Variants in SMC2 observed in about 807,000 individuals in gnomAD.
SMC2 encodes the protein structural maintenance of chromosomes protein 2.
Under a neutral mutation model 142.6 loss-of-function variants are expected in SMC2, and 41 were observed. The observed-to-expected ratio is 0.29, with a 90% CI of 0.22 to 0.37. SMC2 has a LOEUF of 0.37. SMC2 is among the 10% of genes least tolerant of loss of function. SMC2 has a pLI of 1.00. For missense variants in SMC2, 1,265 were observed against 1,373.7 expected, an observed-to-expected ratio of 0.92 and a Z score of 1.25; for synonymous variants, 463 against 457.5, an observed-to-expected ratio of 1.01 and a Z score of -0.15.
At chr9:104,101,906 A>AT (rs201044092) in intron 7 of SMC2, 54 bp from the exon 8 acceptor site, 4,004 of 1,072,194 alleles carry the variant, frequency 3.7e-3, no homozygotes, top group Non-Finnish European at 4.4e-3. Context: ...GCATAATTGA[A>AT]TTTTTTTTTT....
At chr9:104,121,004 G>C (rs1833669849) in intron 16 of SMC2, among the ~76,000 whole-genome samples, 1 of 140,122 alleles carries the variant, frequency 7.1e-6, no homozygotes, top group Non-Finnish European at 1.5e-5. Flanking sequence ...GAGCTATCTA[G>C]GGCAAAGACA....
At chr9:104,101,803 C>T (rs1223157018) in intron 7 of SMC2, among the ~76,000 whole-genome samples, 157 bp from the exon 8 acceptor site, 2 of 152,170 alleles carry the variant, frequency 1.3e-5, no homozygotes, top group Non-Finnish European at 2.9e-5. Flanking sequence ...GTCCTGACTT[C>T]TGATGTTACG....
chr9:104,132,711 G>A (rs529977708), intron 22 of SMC2, among the ~76,000 whole-genome samples: 1 of 151,600 alleles, frequency 6.6e-6, no homozygotes, highest in East Asian at 1.9e-4. Flanking sequence ...TAGTCACCTT[G>A]TTTTTTTCTT....
upstream of SMC2, among the ~76,000 whole-genome samples, chr9:104,091,174 G>A (rs1032754809): frequency 2.6e-5 from 4 of 152,262 alleles, no homozygotes; most frequent in East Asian, 1.9e-4. Context: ...GACGAGATAC[G>A]TTCTGAGAAA....
chr9:104,108,948 A>C (rs1482849530), intron 9 of SMC2, among the ~76,000 whole-genome samples: 1 of 152,180 alleles, frequency 6.6e-6, no homozygotes, highest in African/African-American at 2.4e-5. Context: ...GAGCTAAAGC[A>C]TGAAAGGACA....
chr9:104,125,326 C>T (rs1037627402), intron 18 of SMC2, among the ~76,000 whole-genome samples: 8 of 152,076 alleles, frequency 5.3e-5, no homozygotes, highest in African/African-American at 1.7e-4. Context: ...GAGTGTTGAT[C>T]TGAGGCTCAA....
chr9:104,132,080 C>T lies in SMC2; in HGVS notation c.3063C>T (p.Asp1021=), dbSNP rs1835038490. The change falls in exon 22 of 25, where the codon GAC becomes GAT. Residue 1021 remains aspartate (D), a synonymous_variant. Coordinates refer to ENST00000374793, the MANE Select transcript of SMC2 (RefSeq NM_006444.3). The stretch of plus-strand genomic sequence containing the variant: ...CCAAAATTCTTACAACTATAGAAGA[C>T]CTTGACCAGAAGAAAAACCAAGCCC... ...DKSKILTTIE[D]LDQKKNQALN... The T allele has an allele frequency of 1.9e-6, 3 of 1,600,012 alleles. No individual in the cohort carries two copies. Among genetic ancestry groups the T allele is most frequent in the East Asian group, 2.2e-5 (1 of 44,558 alleles).
intron 16 of SMC2, among the ~76,000 whole-genome samples, chr9:104,122,604 A>G (rs1463663288): frequency 6.6e-6 from 1 of 152,116 alleles, no homozygotes; most frequent in Non-Finnish European, 1.5e-5. Flanking sequence ...CAGAACAGGG[A>G]TAGAATTACA....
Position 104,100,433 on chromosome 9 carries a change from G to T in SMC2, c.636G>T (p.Glu212Asp). 1.3e-6 allele frequency: 2 copies of T among 1,493,446 alleles called. No homozygotes were observed. The highest frequency in any genetic ancestry group is 1.2e-5 in the South Asian group (1 of 86,192). 92.5% of individuals were successfully genotyped at this position (1,493,446 alleles called of 1,614,324 possible). A position where few individuals can be genotyped will look rare whatever the true frequency, so the allele number is the denominator to read the frequency against. ...CTCCAACCATTCAAAAATTAAAAGA[G>T]GTATATTCTGTATATGTGAGGATAA... ...EITPTIQKLK[E>D]ERSSYLEYQK... Residue 212 changes from glutamate to aspartate, a missense_variant and splice_region_variant, in exon 7 of 25, where the codon GAG (glutamate) becomes GAT (aspartate). Physicochemically the swap from Glu to Asp is conservative, Grantham distance 45. Coordinates refer to ENST00000374793, the MANE Select transcript of SMC2 (RefSeq NM_006444.3).
Position 104,139,131 on chromosome 9 carries a change from T to C in SMC2, c.3418-8T>C. On this transcript the variant is annotated splice_polypyrimidine_tract_variant and splice_region_variant and intron_variant, in intron 24 of 24. Transcript: ENST00000374793. ...AGTTTTTTTATACTTTTTTCTTTTT[T>C]CCTTAAGTTCATTGTGGTGTCACTA... 4.6e-6 allele frequency: 7 copies of C among 1,538,112 alleles called. No homozygotes were observed. Among genetic ancestry groups the C allele is most frequent in the Non-Finnish European group, 6.1e-6 (7 of 1,153,168 alleles).
intron 19 of SMC2, among the ~76,000 whole-genome samples, chr9:104,126,987 CACTT>C (rs1199585000): frequency 6.6e-6 from 1 of 151,992 alleles, no homozygotes; most frequent in African/African-American, 2.4e-5. Context: ...TCTTCTTCCT[CACTT>C]AGTTGATTCC....
intron 4 of SMC2, among the ~76,000 whole-genome samples, chr9:104,099,271 G>T (rs1023765502): frequency 5.3e-5 from 8 of 151,948 alleles, no homozygotes; most frequent in Non-Finnish European, 1.0e-4. Context: ...TTATCCTGGA[G>T]GGTTATCATT....
rs1832688139 is a variant in SMC2, at chr9:104,113,205, A to C, written c.1255-111A>C. Reference sequence around the variant, plus strand: ...ACTAATCCAAGAGACCAAACAATTAAACTTTGAAGGTTAAGGTCTCTTAGT... The same window carrying C: ...ACTAATCCAAGAGACCAAACAATTACACTTTGAAGGTTAAGGTCTCTTAGT... On this transcript the variant is annotated intron_variant, in intron 10 of 24. Coordinates refer to ENST00000374793, the MANE Select transcript of SMC2 (RefSeq NM_006444.3). 5.7e-6 allele frequency: 4 copies of C among 699,596 alleles called. No homozygotes were observed. In the Middle Eastern group the frequency reaches 7.9e-4, roughly 139 times the overall value. The allele number at this position is 699,596 out of a possible 1,614,324, so 43.3% of individuals were successfully genotyped here.
chr9:104,108,578 G>A (rs751883087), intron 9 of SMC2, among the ~76,000 whole-genome samples: 11 of 152,166 alleles, frequency 7.2e-5, no homozygotes, highest in Non-Finnish European at 1.2e-4. Context: ...CTGGGAATGA[G>A]CAATTACATG....
intron 21 of SMC2, among the ~76,000 whole-genome samples, chr9:104,131,650 C>CTTTTTT (rs34656812): frequency 7.5e-6 from 1 of 132,472 alleles, no homozygotes; most frequent in African/African-American, 2.8e-5. Flanking sequence ...ATATGTAACA[C>CTTTTTT]TTTTTTTTTT....
chr9:104,125,949 AC>A (rs113874461), intron 18 of SMC2, among the ~76,000 whole-genome samples: 8,614 of 152,002 alleles, frequency 0.057, 658 homozygotes, highest in African/African-American at 0.18. Context: ...GGGGTCCCCA[AC>A]CCCCCAGGCC....
chr9:104,102,240 T>A, intron 8 of SMC2, 47 bp downstream of exon 8: 2 of 1,182,198 alleles, frequency 1.7e-6, no homozygotes, highest in Non-Finnish European at 2.4e-6. Flanking sequence ...GTGAAAAACG[T>A]ACTAAATTAT....
intron 10 of SMC2, 72 bp downstream of exon 10, chr9:104,111,886 A>G (rs1432120811): frequency 1.9e-6 from 2 of 1,064,188 alleles, no homozygotes; most frequent in African/African-American, 3.2e-5. Context: ...ATGCTTTGGC[A>G]ATTGTTACAT....
At chr9:104,097,964 A>G (rs957305491) in intron 3 of SMC2, among the ~76,000 whole-genome samples, 1 of 152,214 alleles carries the variant, frequency 6.6e-6, no homozygotes, top group Non-Finnish European at 1.5e-5. Context: ...TAATGAAACC[A>G]TACTGAAGCT....
Sources: allele counts gnomAD v4.1 joint callset (sites outside exome capture counted in the v4.1 genomes callset), GRCh38; gene constraint gnomAD v4.1.1; transcripts MANE v1.5; gene names NCBI Gene and HGNC (gene_info 2026-07-23, HGNC 2026-07-21).